Variants in TTBK2 observed in about 807,000 individuals in gnomAD.
TTBK2 encodes the protein tau-tubulin kinase 2.
Under a neutral mutation model 110.8 loss-of-function variants are expected in TTBK2, and 28 were observed. That is an observed-to-expected ratio of 0.25 (90% CI 0.19 to 0.35). TTBK2 has a LOEUF of 0.35. TTBK2 is among the 10% of genes least tolerant of loss of function. The probability of loss-of-function intolerance (pLI) is 1.00; values close to 1 mark genes in which losing one functional copy is unlikely to be tolerated. For synonymous variants in TTBK2, 532 were observed against 527.3 expected (o/e 1.01, Z -0.12); for missense variants, 1,369 against 1,500.3 (o/e 0.91, Z 1.45).
chr15:42,765,808 C>T (rs1386460371), intron 13 of TTBK2, among the ~76,000 whole-genome samples: 1 of 152,076 alleles, frequency 6.6e-6, no homozygotes, highest in Non-Finnish European at 1.5e-5. Flanking sequence ...CTCCAAGACA[C>T]AAAATTGTCA....
chr15:42,857,571 C>T (rs1263639972), intron 3 of TTBK2: 3 of 151,746 alleles, frequency 2.0e-5, no homozygotes, highest in Non-Finnish European at 2.9e-5. Flanking sequence ...AAACTGAGAA[C>T]GTGGGTTTCC....
chr15:42,915,328 T>C (rs1379325032), intron 1 of TTBK2, among the ~76,000 whole-genome samples: 1 of 152,240 alleles, frequency 6.6e-6, no homozygotes, highest in Non-Finnish European at 1.5e-5. Context: ...GTTAGATCAC[T>C]GTCTCAGTAT....
chr15:42,893,098 C>T lies in TTBK2; in HGVS notation c.-67-14414G>A, dbSNP rs140478013. 7.6e-4 allele frequency among the ~76,000 whole-genome samples: 115 copies of T among 151,874 alleles called. 3 individuals carry two copies. The East Asian group carries it at 0.017, about 22-fold the overall frequency. ...ATAAGCCATGGTTAAAGACAAAGTC[C>T]CCAGGCAAATTAGAAAATATTTGAA... On this transcript the variant is annotated intron_variant, in intron 1 of 14. Transcript: ENST00000267890.
chr15:42,763,042 C>A, intron 13 of TTBK2, among the ~76,000 whole-genome samples: 1 of 140,832 alleles, frequency 7.1e-6, no homozygotes, highest in African/African-American at 2.7e-5. Context: ...GGAATAACTT[C>A]TAGTGTTCCA....
intron 1 of TTBK2, among the ~76,000 whole-genome samples, chr15:42,885,773 A>G (rs1400666760): frequency 2.6e-5 from 4 of 151,856 alleles, no homozygotes; most frequent in Non-Finnish European, 5.9e-5. Context: ...CTCTTTCACT[A>G]TGGGCAACCT....
chr15:42,779,295 G>C (rs940909064), intron 11 of TTBK2, among the ~76,000 whole-genome samples: 2 of 151,848 alleles, frequency 1.3e-5, no homozygotes, highest in East Asian at 3.9e-4. Flanking sequence ...TGTGGTCCCG[G>C]CTACTCGGGA....
intron 3 of TTBK2, among the ~76,000 whole-genome samples, chr15:42,871,920 T>C (rs1440479801): frequency 6.6e-6 from 1 of 152,206 alleles, no homozygotes; most frequent in East Asian, 1.9e-4. Context: ...CCCTATTTAA[T>C]TTTGTTTCAG....
intron 1 of TTBK2, among the ~76,000 whole-genome samples, chr15:42,902,544 A>G (rs1433791857): frequency 6.6e-6 from 1 of 152,080 alleles, no homozygotes; most frequent in Admixed American, 6.5e-5. Flanking sequence ...AAAAACCACA[A>G]TGAGACACCA....
chr15:42,840,350 G>C lies in TTBK2; in HGVS notation c.291+10C>G. 6.2e-7 allele frequency: 1 copy of C among 1,612,252 alleles called. No individual in the cohort carries two copies. The highest frequency in any genetic ancestry group is 8.5e-7 in the Non-Finnish European group (1 of 1,178,462). On this transcript the variant is annotated intron_variant, in intron 4 of 14. Coordinates refer to ENST00000267890, the MANE Select transcript of TTBK2 (RefSeq NM_173500.4). ...GAAGAATTTAAAGATACGTTTTCAA[G>C]GTAACCTACCTGCAACTGCATGACC...
intron 1 of TTBK2, among the ~76,000 whole-genome samples, chr15:42,905,621 T>G (rs1319362169): frequency 6.6e-6 from 1 of 152,116 alleles, no homozygotes; most frequent in Non-Finnish European, 1.5e-5. Context: ...CAAGACTTAA[T>G]GAAAAGAACT....
At chr15:42,747,613 T>C (rs115364947) in intron 14 of TTBK2, among the ~76,000 whole-genome samples, 4,221 of 152,320 alleles carry the variant, frequency 0.028, 177 homozygotes, top group African/African-American at 0.087. Context: ...CTGATGCCAC[T>C]GCTGATCTGA....
At chr15:42,834,949 G>C (rs1892931693) in intron 4 of TTBK2, among the ~76,000 whole-genome samples, 1 of 152,058 alleles carries the variant, frequency 6.6e-6, no homozygotes, top group Non-Finnish European at 1.5e-5. Flanking sequence ...TTATTATATA[G>C]TTATATATTT....
At chr15:42,813,242 C>T (rs1169592212) in intron 7 of TTBK2, among the ~76,000 whole-genome samples, 7 of 152,164 alleles carry the variant, frequency 4.6e-5, no homozygotes, top group Non-Finnish European at 1.5e-5. Flanking sequence ...GACAAATTGG[C>T]TAGGCACGGT....
At chr15:42,837,814 T>C (rs1893054221) in intron 4 of TTBK2, among the ~76,000 whole-genome samples, 1 of 152,080 alleles carries the variant, frequency 6.6e-6, no homozygotes, top group South Asian at 2.1e-4. Context: ...ATCTGAAGGA[T>C]GGCTGAGGGA....
chr15:42,883,855 T>C (rs1472420771), intron 1 of TTBK2, among the ~76,000 whole-genome samples: 2 of 152,004 alleles, frequency 1.3e-5, no homozygotes. Flanking sequence ...TAGGTTAAAG[T>C]GAATATACTT....
Position 42,811,792 on chromosome 15 carries a change from A to G in TTBK2, c.604-12T>C, listed in dbSNP as rs769335319. 1 of 1,610,464 alleles carries G rather than the reference A, an allele frequency of 6.2e-7. No homozygotes were observed. The highest frequency in any genetic ancestry group is 1.7e-5 in the Admixed American group (1 of 59,982). On this transcript the variant is annotated splice_polypyrimidine_tract_variant and intron_variant, in intron 7 of 14. Transcript: ENST00000267890. The stretch of plus-strand genomic sequence containing the variant: ...TGTCTTCCCATTTCCTTCATAAACA[A>G]AACAGAATCCAGTCACATAACATTA...
chr15:42,868,961 T>A (rs1344421108), intron 3 of TTBK2, among the ~76,000 whole-genome samples: 3 of 152,146 alleles, frequency 2.0e-5, no homozygotes, highest in Non-Finnish European at 4.4e-5. Flanking sequence ...AAGACTAGAA[T>A]GGAAATCTAA....
chr15:42,746,096 A>G lies in TTBK2; in HGVS notation c.3434T>C (p.Val1145Ala). ...HNPKTPPKSP[V>A]VPRRSPSASP... ...GGCACTGGGACTCCTGCGAGGGACA[A>G]CTGGACTCTTGGGTGGTGTTTTTGG... The change falls in exon 15 of 15, where the codon GTT (valine) becomes GCT (alanine). Residue 1145 changes from valine to alanine, a missense_variant. Val to Ala is a moderately conservative substitution (Grantham distance 64). Coordinates refer to ENST00000267890, the MANE Select transcript of TTBK2 (RefSeq NM_173500.4). 5 of 1,614,028 alleles carry G rather than the reference A, an allele frequency of 3.1e-6. No individual in the cohort carries two copies. The South Asian group carries it at 5.5e-5, about 18-fold the overall frequency.
intron 1 of TTBK2, among the ~76,000 whole-genome samples, chr15:42,879,128 TAACA>T (rs1248212096): frequency 6.6e-6 from 1 of 152,150 alleles, no homozygotes; most frequent in African/African-American, 2.4e-5. Context: ...AAATAAATAC[TAACA>T]AATAAAAGGG....
Sources: allele counts gnomAD v4.1 joint callset (sites outside exome capture counted in the v4.1 genomes callset), GRCh38; gene constraint gnomAD v4.1.1; transcripts MANE v1.5; gene names NCBI Gene and HGNC (gene_info 2026-07-23, HGNC 2026-07-21).